The following ADGRA3 variants were observed in gnomAD, a reference collection of about 807,000 sequenced individuals.
The protein encoded by ADGRA3 is adhesion G protein-coupled receptor A3.
A neutral mutation model predicts 119.8 loss-of-function variants in ADGRA3; 56 were observed. The ratio of observed to expected loss-of-function variants is 0.47; its 90% CI spans 0.38 to 0.58. ADGRA3 has a LOEUF of 0.58. Ranked by LOEUF, ADGRA3 falls within the 20% of genes least tolerant of loss-of-function variation. The pLI is 0.00. For synonymous variants in ADGRA3, 607 were observed against 623.8 expected, an observed-to-expected ratio of 0.97 and a Z score of 0.40; for missense variants, 1,516 against 1,649.0, an observed-to-expected ratio of 0.92 and a Z score of 1.40.
intron 1 of ADGRA3, among the ~76,000 whole-genome samples, chr4:22,508,625 C>T (rs1396955568): frequency 6.6e-6 from 1 of 152,192 alleles, no homozygotes; most frequent in Non-Finnish European, 1.5e-5. Context: ...TGGCGTCTTG[C>T]TGGCCTACAG....
rs1218410775 is a variant in ADGRA3, at chr4:22,446,776, GAAC to G, written c.545+661_545+663del. Among the ~76,000 whole-genome samples the G allele has an allele frequency of 2.6e-5, 4 of 152,040 alleles. No homozygotes were observed. The South Asian group carries it at 6.2e-4, about 24-fold the overall frequency. ...CATAAATTACTCACAATGAAAACCT[GAAC>G]AACATTATATTTAACTGTAATTCCA... On this transcript the variant is annotated intron_variant, in intron 5 of 18. Coordinates refer to ENST00000334304, the MANE Select transcript of ADGRA3 (RefSeq NM_145290.4).
intron 6 of ADGRA3, chr4:22,443,228 A>AT: frequency 1.9e-6 from 1 of 537,960 alleles, no homozygotes. Context: ...GGAGACTGCA[A>AT]TACCTTTGAT....
At chr4:22,431,177 G>C (rs991868575) in intron 10 of ADGRA3, among the ~76,000 whole-genome samples, 5 of 152,140 alleles carry the variant, frequency 3.3e-5, no homozygotes, top group African/African-American at 1.2e-4. Context: ...GTCCCTACTG[G>C]GGCACCAACT....
chr4:22,463,181 A>G (rs889637955), intron 2 of ADGRA3, among the ~76,000 whole-genome samples: 2 of 152,214 alleles, frequency 1.3e-5, no homozygotes, highest in African/African-American at 2.4e-5. Flanking sequence ...AACCTTGCCC[A>G]TTCTTTATAC....
chr4:22,390,078 C>T (rs1714046413), intron 17 of ADGRA3, among the ~76,000 whole-genome samples: 1 of 151,822 alleles, frequency 6.6e-6, no homozygotes, highest in Admixed American at 6.6e-5. Context: ...TATAATTCTG[C>T]CTTCTATTCC....
intron 4 of ADGRA3, among the ~76,000 whole-genome samples, chr4:22,448,686 C>T (rs192734100): frequency 4.6e-5 from 7 of 152,166 alleles, no homozygotes; most frequent in African/African-American, 1.7e-4. Flanking sequence ...GACCTGATAT[C>T]ACACAATGGC....
intron 4 of ADGRA3, among the ~76,000 whole-genome samples, chr4:22,454,627 G>A (rs1480204499): frequency 1.3e-5 from 2 of 152,102 alleles, no homozygotes; most frequent in Admixed American, 6.5e-5. Context: ...GTACTACACT[G>A]TGTTATTTGG....
At chr4:22,458,946 T>C (rs1717344958) in intron 3 of ADGRA3, among the ~76,000 whole-genome samples, 1 of 152,134 alleles carries the variant, frequency 6.6e-6, no homozygotes, top group Non-Finnish European at 1.5e-5. Flanking sequence ...AGACCACCAC[T>C]CACCCCCAGC....
chr4:22,462,597 G>A lies in ADGRA3; in HGVS notation c.330-789C>T, dbSNP rs147498724. On this transcript the variant is annotated intron_variant, in intron 2 of 18. Coordinates refer to ENST00000334304, the MANE Select transcript of ADGRA3 (RefSeq NM_145290.4). ...TTCAAAGTGCTGGGATTACAGGCATGAGCCACTGCACTCAGCCTACGGTTA... is the reference window on the plus strand; with the variant it reads ...TTCAAAGTGCTGGGATTACAGGCATAAGCCACTGCACTCAGCCTACGGTTA... Among the ~76,000 whole-genome samples, 333 of 152,326 alleles carry A rather than the reference G, an allele frequency of 2.2e-3. 2 individuals are homozygous for A. Among genetic ancestry groups the A allele is most frequent in the Non-Finnish European group, 6.8e-4 (46 of 68,040 alleles).
In ADGRA3 at chr4:22,402,085, C is replaced by T. The variant is rs184524168; in HGVS notation, c.2358-531G>A. ...GTCAAGAAATGCCATATATGTCTAGCTTAAACAGGAAGACACATTCTAGCA... is the reference window on the plus strand; with the variant it reads ...GTCAAGAAATGCCATATATGTCTAGTTTAAACAGGAAGACACATTCTAGCA... On this transcript the variant is annotated intron_variant, in intron 15 of 18. Coordinates refer to ENST00000334304, the MANE Select transcript of ADGRA3 (RefSeq NM_145290.4). Among the ~76,000 whole-genome samples, 146 of 152,218 alleles carry T rather than the reference C, an allele frequency of 9.6e-4. 2 individuals are homozygous for T. The highest frequency in any genetic ancestry group is 3.4e-3 in the African/African-American group (143 of 41,534).
intron 10 of ADGRA3, among the ~76,000 whole-genome samples, chr4:22,432,883 A>C (rs572471349): frequency 2.4e-4 from 36 of 152,354 alleles, no homozygotes; most frequent in African/African-American, 8.7e-4. Context: ...CACTCATAAA[A>C]GAATAACTTT....
intron 7 of ADGRA3, among the ~76,000 whole-genome samples, chr4:22,439,371 C>T (rs1321718076): frequency 1.3e-5 from 2 of 152,088 alleles, no homozygotes; most frequent in Non-Finnish European, 2.9e-5. Context: ...TAATATAAAA[C>T]CTATTAATTA....
chr4:22,486,543 C>G (rs1022164904), intron 1 of ADGRA3, among the ~76,000 whole-genome samples: 1 of 152,176 alleles, frequency 6.6e-6, no homozygotes, highest in Non-Finnish European at 1.5e-5. Flanking sequence ...TGTCCCTGAC[C>G]ACAACCCTTC....
rs572209499 is a variant in ADGRA3, at chr4:22,430,371, C to T, written c.1443+4940G>A. Among the ~76,000 whole-genome samples, 3 of 152,208 alleles carry T rather than the reference C, an allele frequency of 2.0e-5. No individual in the cohort carries two copies. The East Asian group carries it at 5.8e-4, about 29-fold the overall frequency. ...GGGAAACTTTGGAACTTCCTAGAGG[C>T]TTGTAGGTCCAGGCTGAGGTGGTCT... On this transcript the variant is annotated intron_variant, in intron 10 of 18. Coordinates refer to ENST00000334304, the MANE Select transcript of ADGRA3 (RefSeq NM_145290.4).
chr4:22,434,182 T>C (rs560753396), intron 10 of ADGRA3, among the ~76,000 whole-genome samples: 1 of 147,040 alleles, frequency 6.8e-6, no homozygotes, highest in African/African-American at 2.5e-5. Flanking sequence ...ATACATTAGA[T>C]ATATCTAAAT....
chr4:22,468,434 T>C (rs1044435796), intron 2 of ADGRA3, among the ~76,000 whole-genome samples: 1 of 151,958 alleles, frequency 6.6e-6, no homozygotes, highest in Non-Finnish European at 1.5e-5. Flanking sequence ...GGTAACAAAA[T>C]ATATAGCACA....
intron 4 of ADGRA3, among the ~76,000 whole-genome samples, chr4:22,449,016 T>C (rs1716930166): frequency 6.6e-6 from 1 of 152,136 alleles, no homozygotes; most frequent in Non-Finnish European, 1.5e-5. Flanking sequence ...ACGCCTATAA[T>C]CTCAGCAATT....
chr4:22,430,985 T>C (rs1716143134), intron 10 of ADGRA3, among the ~76,000 whole-genome samples: 1 of 152,076 alleles, frequency 6.6e-6, no homozygotes. Context: ...CCACGTGGTG[T>C]TGAGATTGTG....
At chr4:22,397,251 G>A (rs1291911298) in intron 16 of ADGRA3, among the ~76,000 whole-genome samples, 5 of 141,666 alleles carry the variant, frequency 3.5e-5, no homozygotes, top group African/African-American at 8.1e-5. Context: ...GTGCAATCTC[G>A]GCTCACTGCA....
Sources: gnomAD v4.1 joint callset for allele counts (sites outside exome capture counted in the v4.1 genomes callset) on GRCh38, gnomAD v4.1.1 for gene constraint, MANE v1.5 for transcripts, NCBI Gene and HGNC (gene_info 2026-07-23, HGNC 2026-07-21) for gene names.